The following EFHC2 variants were observed in gnomAD, a reference collection of about 807,000 sequenced individuals.
EFHC2 encodes the protein EF-hand domain-containing family member C2.
EFHC2 carries 18 observed loss-of-function variants against 52.7 expected under a neutral mutation model. The observed-to-expected ratio is 0.34, with a 90% CI of 0.24 to 0.51. EFHC2 has a LOEUF of 0.51. Ranked by LOEUF, EFHC2 falls within the 20% of genes least tolerant of loss-of-function variation. EFHC2 has a pLI of 0.97. For missense variants in EFHC2, 513 were observed against 562.5 expected (o/e 0.91, Z 0.89); for synonymous variants, 203 against 204.1 (o/e 0.99, Z 0.04).
At chrX:44,283,378 T>G (rs187508429) in intron 2 of EFHC2, among the ~76,000 whole-genome samples, 1 of 111,076 alleles carries the variant, frequency 9.0e-6, no homozygotes, top group African/African-American at 3.3e-5. Context: ...GAGACGGGGT[T>G]TCACCGTGTT....
At chrX:44,218,557 C>T (rs2037169181) in intron 11 of EFHC2, among the ~76,000 whole-genome samples, 1 of 112,223 alleles carries the variant, frequency 8.9e-6, no homozygotes, top group Non-Finnish European at 1.9e-5. Context: ...TTGATCCCTA[C>T]TTCACACCAT....
intron 1 of EFHC2, among the ~76,000 whole-genome samples, chrX:44,333,123 AG>A (rs1479283316): frequency 9.0e-6 from 1 of 111,706 alleles, no homozygotes; most frequent in Non-Finnish European, 1.9e-5. Flanking sequence ...GAGAACGTGA[AG>A]GGCAACCCAA....
At chrX:44,208,017 GA>G (rs985385749) in intron 11 of EFHC2, among the ~76,000 whole-genome samples, 3 of 112,490 alleles carry the variant, frequency 2.7e-5, no homozygotes, top group African/African-American at 9.7e-5. Flanking sequence ...AGGATGCAGA[GA>G]AAAGGGAATG....
At chrX:44,283,927 C>G (rs2037732667) in intron 2 of EFHC2, 1 of 109,426 alleles carries the variant, frequency 9.1e-6, no homozygotes, top group Non-Finnish European at 1.9e-5. Flanking sequence ...CCCGTCGGCA[C>G]GCAGAAAAGT....
chrX:44,322,810 C>G (rs1476603231), intron 1 of EFHC2, among the ~76,000 whole-genome samples: 2 of 111,193 alleles, frequency 1.8e-5, no homozygotes, highest in Non-Finnish European at 3.8e-5. Context: ...TATAGGAGTT[C>G]AAGACCAGCC....
At chrX:44,259,496 T>C (rs943542751) in intron 4 of EFHC2, among the ~76,000 whole-genome samples, 23 of 111,870 alleles carry the variant, frequency 2.1e-4, no homozygotes, top group African/African-American at 7.2e-4. Context: ...TGTATACCTA[T>C]GTAACAAACC....
rs12009568 is a variant in EFHC2, at chrX:44,297,987, A to T, written c.231+14581T>A. Among the ~76,000 whole-genome samples, 372 of 102,905 alleles carry T rather than the reference A, an allele frequency of 3.6e-3. 2 individuals are homozygous for T. The highest frequency in any genetic ancestry group is 0.011 in the African/African-American group (325 of 28,457). The allele number at this position is 102,905 out of a possible 115,157, so 89.4% of individuals were successfully genotyped here. On this transcript the variant is annotated intron_variant, in intron 2 of 14. Coordinates refer to ENST00000420999, the MANE Select transcript of EFHC2 (RefSeq NM_025184.4). ...AAAAAATAAAAATAAAAATAAAATTAAAAAAAAAAAACACCAGAAGGGAAG... is the reference window on the plus strand; with the variant it reads ...AAAAAATAAAAATAAAAATAAAATTTAAAAAAAAAAACACCAGAAGGGAAG...
chrX:44,186,462 A>C (rs1602140724), intron 11 of EFHC2, among the ~76,000 whole-genome samples: 1 of 111,978 alleles, frequency 8.9e-6, no homozygotes, highest in East Asian at 2.8e-4. Context: ...TTACAAGCAG[A>C]GTTCTTCGTT....
intron 2 of EFHC2, among the ~76,000 whole-genome samples, chrX:44,276,614 T>G (rs1024581475): frequency 8.9e-6 from 1 of 112,262 alleles, no homozygotes; most frequent in African/African-American, 3.2e-5. Context: ...GAAGTAGTTC[T>G]AACTTGATAT....
chrX:44,283,078 G>A (rs942054834), intron 2 of EFHC2, among the ~76,000 whole-genome samples: 2 of 111,952 alleles, frequency 1.8e-5, no homozygotes, highest in South Asian at 3.7e-4. Context: ...GCCCACCCAG[G>A]GGCACCCTGT....
chrX:44,151,003 G>C (rs1337934699), intron 14 of EFHC2, among the ~76,000 whole-genome samples: 1 of 110,565 alleles, frequency 9.0e-6, no homozygotes, highest in Non-Finnish European at 1.9e-5. Context: ...CACACAGGGG[G>C]AACACCAGGT....
At chrX:44,169,642 C>T (rs1172532315) in intron 13 of EFHC2, among the ~76,000 whole-genome samples, 1 of 109,644 alleles carries the variant, frequency 9.1e-6, no homozygotes, top group Non-Finnish European at 1.9e-5. Context: ...TAGAAAGTTT[C>T]TCAGAACCAA....
chrX:44,224,779 A>G (rs765416074), intron 11 of EFHC2, among the ~76,000 whole-genome samples: 3 of 112,565 alleles, frequency 2.7e-5, no homozygotes, highest in Non-Finnish European at 3.8e-5. Context: ...GAGAGAAGAG[A>G]CAAGCACTCA....
intron 2 of EFHC2, among the ~76,000 whole-genome samples, chrX:44,277,317 A>G (rs995665168): frequency 2.7e-5 from 3 of 110,669 alleles, no homozygotes; most frequent in South Asian, 3.8e-4. Context: ...CTGTCAGGAA[A>G]GAAAGACAAA....
At chrX:44,221,986 C>T (rs926951051) in intron 11 of EFHC2, among the ~76,000 whole-genome samples, 7 of 111,774 alleles carry the variant, frequency 6.3e-5, no homozygotes, top group Non-Finnish European at 1.3e-4. Context: ...TAGTTCCAAC[C>T]ATTTTAAAAT....
chrX:44,170,207 G>A (rs972316432), intron 13 of EFHC2, among the ~76,000 whole-genome samples: 1 of 111,301 alleles, frequency 9.0e-6, no homozygotes, highest in Non-Finnish European at 1.9e-5. Flanking sequence ...AAAGAAAGAA[G>A]TGCTACTAGT....
At chrX:44,328,520 C>A (rs755253751) in intron 1 of EFHC2, among the ~76,000 whole-genome samples, 2 of 111,539 alleles carry the variant, frequency 1.8e-5, no homozygotes, top group African/African-American at 6.5e-5. Context: ...AAAACCACAA[C>A]TTTCCACACC....
rs1602168265 is a variant in EFHC2 at position 44,235,527 on chromosome X, T to C, written c.1281-80A>G. The C allele has an allele frequency of 7.3e-6, 7 of 964,539 alleles. No individual in the cohort carries two copies. The East Asian group carries it at 2.4e-4, about 33-fold the overall frequency. The allele number at this position is 964,539 out of a possible 1,213,427, so 79.5% of individuals were successfully genotyped here. Reference sequence around the variant, plus strand: ...TATGTTTTTAAAAGTCTGCAAAAGATATAATATGGCTTTAATATAGTAGGC... The same window carrying C: ...TATGTTTTTAAAAGTCTGCAAAAGACATAATATGGCTTTAATATAGTAGGC... On this transcript the variant is annotated intron_variant, in intron 8 of 14. Transcript: ENST00000420999.
At chrX:44,262,880 T>C (rs1283885519) in intron 3 of EFHC2, among the ~76,000 whole-genome samples, 1 of 112,067 alleles carries the variant, frequency 8.9e-6, no homozygotes, top group Non-Finnish European at 1.9e-5. Flanking sequence ...CCCTGCTCTT[T>C]ATCTCCAAGG....
Sources: allele counts gnomAD v4.1 joint callset (sites outside exome capture counted in the v4.1 genomes callset), GRCh38; gene constraint gnomAD v4.1.1; transcripts MANE v1.5; gene names NCBI Gene and HGNC (gene_info 2026-07-23, HGNC 2026-07-21).